ZNF510: variants seen among roughly 807,000 people sequenced by gnomAD.
ZNF510 encodes zinc finger protein 510.
In ZNF510, 15 loss-of-function variants were observed where a neutral mutation model predicts 18.1. The observed-to-expected ratio is 0.83, with a 90% CI of 0.55 to 1.28. ZNF510 has a LOEUF of 1.28. Ranked by LOEUF, ZNF510 falls within the 50% of genes most tolerant of loss-of-function variation. The pLI, the probability that ZNF510 is intolerant of heterozygous loss-of-function variation, is 0.00. For missense variants in ZNF510, 724 were observed against 791.8 expected, an observed-to-expected ratio of 0.91 and a Z score of 1.03; for synonymous variants, 261 against 266.4, an observed-to-expected ratio of 0.98 and a Z score of 0.20.
intron 3 of ZNF510, among the ~76,000 whole-genome samples, chr9:96,770,743 T>C (rs1449640080): frequency 6.6e-6 from 1 of 151,306 alleles, no homozygotes; most frequent in East Asian, 1.9e-4. Context: ...AGATTGTGTA[T>C]GTCAGGATGG....
intron 3 of ZNF510, among the ~76,000 whole-genome samples, chr9:96,768,734 AG>A (rs1456258089): frequency 6.6e-6 from 1 of 152,190 alleles, no homozygotes; most frequent in Non-Finnish European, 1.5e-5. Context: ...ATGAATTGGA[AG>A]ATTTAAAATT....
chr9:96,758,793 C>A lies in ZNF510; in HGVS notation c.2037G>T (p.Glu679Asp). Residue 679 changes from glutamate to aspartate, a missense_variant, in exon 6 of 6, where the codon GAG becomes GAT. By Grantham distance (45) the Glu-to-Asp change is conservative. Coordinates refer to ENST00000223428, the MANE Select transcript of ZNF510 (RefSeq NM_014930.3). Reference protein sequence around the residue: ...TLSLYQKIQGEGNPY With the variant: ...TLSLYQKIQGDGNPY ...AGTTATTACATCAATAGGGATTCCC[C>A]TCTCCCTGAATTTTCTGGTATAAGC... The A allele has an allele frequency of 6.3e-7, 1 of 1,583,698 alleles. No homozygotes were observed. Among genetic ancestry groups the A allele is most frequent in the South Asian group, 1.2e-5 (1 of 86,536 alleles).
intron 5 of ZNF510, among the ~76,000 whole-genome samples, chr9:96,761,561 T>TACAACTTCTCTATGCTTAGAATTCAC (rs568806783): frequency 6.6e-6 from 1 of 152,036 alleles, no homozygotes; most frequent in Non-Finnish European, 1.5e-5. Flanking sequence ...TATGCTTGGT[T>TACAACTTCTCTATGCTTAGAATTCAC]ACAACTTCTC....
At chr9:96,777,233 A>T (rs1313038027) in intron 1 of ZNF510, among the ~76,000 whole-genome samples, 1 of 152,154 alleles carries the variant, frequency 6.6e-6, no homozygotes, top group Non-Finnish European at 1.5e-5. Flanking sequence ...ACATAGTAAG[A>T]TTCTGTCCAC....
At chr9:96,774,645 A>G in intron 3 of ZNF510, 143 bp downstream of exon 3, 1 of 682,528 alleles carries the variant, frequency 1.5e-6, no homozygotes, top group Non-Finnish European at 2.4e-6. Flanking sequence ...ATCTTTCCAC[A>G]TGCCAATTCT....
rs1450084844 is a variant in ZNF510 at position 96,769,416 on chromosome 9, AACAG to A, written c.129+5368_129+5371del. On this transcript the variant is annotated intron_variant, in intron 3 of 5. Transcript: ENST00000223428. ...CGTGCCACTGGATTCCAGCCTGGGC[AACAG>A]ACAAAGATTCCGTCTCCAAAAAAAA... 3.4e-5 allele frequency among the ~76,000 whole-genome samples: 5 copies of A among 147,934 alleles called. No homozygotes were observed. In the East Asian group the frequency reaches 7.7e-4, roughly 23 times the overall value.
At chr9:96,762,515 A>AAAAG (rs1849375925) in intron 5 of ZNF510, among the ~76,000 whole-genome samples, 1 of 137,880 alleles carries the variant, frequency 7.3e-6, no homozygotes, top group African/African-American at 3.5e-5. Flanking sequence ...TCTCAAAAAA[A>AAAAG]AAAAAAAAGA....
At position 96,770,056 on chromosome 9, in the gene ZNF510, C is replaced by A. The variant is rs146952352; in HGVS notation, c.129+4732G>T. Among the ~76,000 whole-genome samples, 12 of 152,240 alleles carry A rather than the reference C, an allele frequency of 7.9e-5. 1 individual carries two copies. The highest frequency in any genetic ancestry group is 2.9e-4 in the African/African-American group (12 of 41,546). On this transcript the variant is annotated intron_variant, in intron 3 of 5. Transcript: ENST00000223428. ...AGAGTTACCATATGAGTCAGAAGTT[C>A]CTTTTCTAGGATTAGTCCCAAGAGA...
chr9:96,776,083 G>A lies in ZNF510; in HGVS notation c.-14C>T, dbSNP rs2289649. On this transcript the variant is annotated 5_prime_UTR_variant, in exon 2 of 6. Coordinates refer to ENST00000223428, the MANE Select transcript of ZNF510 (RefSeq NM_014930.3). ...ATGTGGCGACATCACCAAGTCTGGT[G>A]CTCTCTGGGCAAGGGGATGAAGAAG... 30,246 of 1,593,146 alleles carry A rather than the reference G, an allele frequency of 0.019. 1,908 individuals carry two copies. In the East Asian group the frequency reaches 0.27, roughly 14 times the overall value.
In ZNF510 at chr9:96,776,196, T is replaced by G; in HGVS notation, c.-127A>C. The G allele has an allele frequency of 1.4e-6, 2 of 1,411,622 alleles. No homozygotes were observed. Among genetic ancestry groups the G allele is most frequent in the Non-Finnish European group, 1.9e-6 (2 of 1,076,226 alleles). 87.4% of individuals were successfully genotyped at this position (1,411,622 alleles called of 1,614,324 possible). On this transcript the variant is annotated 5_prime_UTR_variant, in exon 2 of 6. Transcript: ENST00000223428. ...CCCTGGTGAGGAGGTCTCTGTTCTG[T>G]CAGAGAGCAGTTCTTCGGTGGGACT...
At chr9:96,770,210 G>A (rs1849556578) in intron 3 of ZNF510, among the ~76,000 whole-genome samples, 1 of 152,066 alleles carries the variant, frequency 6.6e-6, no homozygotes, top group Non-Finnish European at 1.5e-5. Flanking sequence ...TCCACACAAT[G>A]GAATATTATT....
At chr9:96,764,836 C>T (rs902113604) in intron 3 of ZNF510, among the ~76,000 whole-genome samples, 33 of 151,946 alleles carry the variant, frequency 2.2e-4, no homozygotes, top group African/African-American at 7.3e-4. Flanking sequence ...AGTAACGGGC[C>T]GGGTGCGGTG....
chr9:96,770,976 A>G (rs887016540), intron 3 of ZNF510, among the ~76,000 whole-genome samples: 1 of 152,198 alleles, frequency 6.6e-6, no homozygotes, highest in Non-Finnish European at 1.5e-5. Context: ...ATATCCTGTT[A>G]AAGAAACTGA....
At position 96,763,567 on chromosome 9, in the gene ZNF510, A is replaced by G. The variant is rs200469202; in HGVS notation, c.195T>C (p.Pro65=). 219 of 1,613,598 alleles carry G rather than the reference A, an allele frequency of 1.4e-4. No homozygotes were observed. Among genetic ancestry groups the G allele is most frequent in the Non-Finnish European group, 2.7e-5 (32 of 1,179,766 alleles). The change falls in exon 4 of 6, where the codon CCT becomes CCC. Residue 65 remains proline, a synonymous_variant. Coordinates refer to ENST00000223428, the MANE Select transcript of ZNF510 (RefSeq NM_014930.3). ...CATCTCTGTACAGATTCTTCTGAAC[A>G]GGGGCCATTTGCTGCCACTCCTCCT... is the stretch of plus-strand genomic sequence containing the variant. ...FTQEEWQQMA[P]VQKNLYRDVM...
At chr9:96,762,524 G>GAAAAAAAAA (rs1181728252) in intron 5 of ZNF510, among the ~76,000 whole-genome samples, 4,437 of 135,678 alleles carry the variant, frequency 0.033, 290 homozygotes, top group African/African-American at 0.14. Flanking sequence ...AAAAAAAAAA[G>GAAAAAAAAA]AAAAGAAAAA....
chr9:96,770,865 G>T (rs1233434612), intron 3 of ZNF510, among the ~76,000 whole-genome samples: 2 of 151,944 alleles, frequency 1.3e-5, no homozygotes, highest in African/African-American at 4.8e-5. Flanking sequence ...CCACAAAATT[G>T]TACACTTTAA....
intron 5 of ZNF510, among the ~76,000 whole-genome samples, chr9:96,762,441 G>A (rs1849371268): frequency 6.6e-6 from 1 of 151,054 alleles, no homozygotes; most frequent in Non-Finnish European, 1.5e-5. Context: ...CCTGGGAGGT[G>A]GAGCTTGCAG....
intron 3 of ZNF510, among the ~76,000 whole-genome samples, chr9:96,766,340 AT>A (rs34263595): frequency 0.062 from 8,838 of 142,430 alleles, 827 homozygotes; most frequent in African/African-American, 0.21. Flanking sequence ...CACCACTACT[AT>A]TTTTTTTTTT....
rs1261876072 is a variant in ZNF510 at position 96,759,699 on chromosome 9, A to T, written c.1131T>A (p.Ser377=). The T allele has an allele frequency of 6.2e-7, 1 of 1,613,886 alleles. No individual in the cohort carries two copies. Residue 377 remains serine, a synonymous_variant, in exon 6 of 6, where the codon TCT becomes TCA. Coordinates refer to ENST00000223428, the MANE Select transcript of ZNF510 (RefSeq NM_014930.3). ...AGGATTTCTTATTTTCATGATATTC[A>T]GAGGATTTAACCCAAGTCTGTGTTC... ...NDRTQTWVKS[S]EYHENKKSYQ... is the part of the protein sequence containing the mutation.
Sources: allele counts gnomAD v4.1 joint callset (sites outside exome capture counted in the v4.1 genomes callset), GRCh38; gene constraint gnomAD v4.1.1; transcripts MANE v1.5; gene names NCBI Gene and HGNC (gene_info 2026-07-23, HGNC 2026-07-21).